The following ZNRF1 variants were observed in gnomAD, a reference collection of about 807,000 sequenced individuals.
ZNRF1 encodes zinc and ring finger 1, also known as E3 ubiquitin-protein ligase ZNRF1.
In ZNRF1, 3 loss-of-function variants were observed where a neutral mutation model predicts 18.4. The observed-to-expected ratio is 0.16, with a 90% CI of 0.07 to 0.42. ZNRF1 has a LOEUF of 0.42. ZNRF1 is among the 10% of genes least tolerant of loss of function. ZNRF1 has a pLI of 0.99. For synonymous variants in ZNRF1, 157 were observed against 144.2 expected (o/e 1.09, Z -0.64); for missense variants, 310 against 329.8 (o/e 0.94, Z 0.47).
intron 1 of ZNRF1, among the ~76,000 whole-genome samples, chr16:75,054,062 A>G (rs903934359): frequency 6.6e-6 from 1 of 152,190 alleles, no homozygotes; most frequent in Non-Finnish European, 1.5e-5. Flanking sequence ...TTCCTTGTTG[A>G]CAATTCCCTT....
At chr16:75,074,392 C>G (rs2035912781) in intron 1 of ZNRF1, among the ~76,000 whole-genome samples, 1 of 152,194 alleles carries the variant, frequency 6.6e-6, no homozygotes, top group Non-Finnish European at 1.5e-5. Context: ...GGGCACAGTG[C>G]TGCATAAGTT....
rs62061439 is a variant in ZNRF1, at chr16:75,000,161, C to A, written c.424+66C>A. 4.5e-6 allele frequency: 7 copies of A among 1,551,518 alleles called. No individual in the cohort carries two copies. In the South Asian group the frequency reaches 7.1e-5, roughly 16 times the overall value. On this transcript the variant is annotated intron_variant, in intron 1 of 4. Coordinates refer to ENST00000335325, the MANE Select transcript of ZNRF1 (RefSeq NM_032268.5). ...CCGGGGCGCCCCAAGCCTTCGCGTG[C>A]GTGCCAAGGTTTGGGAATGTAGTGC...
At chr16:75,009,697 T>C (rs550404980) in intron 1 of ZNRF1, among the ~76,000 whole-genome samples, 2 of 152,352 alleles carry the variant, frequency 1.3e-5, no homozygotes, top group South Asian at 4.1e-4. Context: ...TTTTTAATTT[T>C]TTGAGGAACC....
intron 1 of ZNRF1, among the ~76,000 whole-genome samples, chr16:75,036,156 G>T (rs1484558860): frequency 1.3e-5 from 2 of 152,036 alleles, no homozygotes; most frequent in African/African-American, 4.8e-5. Flanking sequence ...CAGCAGCCTT[G>T]ACCTCCTGGG....
At chr16:75,046,294 C>A (rs1390399723) in intron 1 of ZNRF1, among the ~76,000 whole-genome samples, 1 of 151,980 alleles carries the variant, frequency 6.6e-6, no homozygotes, top group African/African-American at 2.4e-5. Flanking sequence ...CTCTGTCACC[C>A]AGGCTGAAGT....
rs1256218201 is a variant in ZNRF1 at position 74,999,138 on chromosome 16, G to T, written c.-534G>T. On this transcript the variant is annotated 5_prime_UTR_variant, in exon 1 of 5. Transcript: ENST00000335325. ...GAGAGCGCGACGCGACGCGACCGCG[G>T]CTTCCCGAGCTGCGCCTGGCCGCCC... 1.4e-5 allele frequency: 2 copies of T among 147,254 alleles called. No homozygotes were observed. The highest frequency in any genetic ancestry group is 4.9e-5 in the African/African-American group (2 of 40,964). The allele number at this position is 147,254 out of a possible 1,614,324, so 9.1% of individuals were successfully genotyped here. A position where few individuals can be genotyped will look rare whatever the true frequency, so the allele number is the denominator to read the frequency against.
chr16:75,076,623 T>C (rs1357332149), intron 1 of ZNRF1, among the ~76,000 whole-genome samples: 1 of 147,256 alleles, frequency 6.8e-6, no homozygotes, highest in Non-Finnish European at 1.5e-5. Flanking sequence ...TGGCATCCTC[T>C]CTTGGGGCAC....
intron 1 of ZNRF1, among the ~76,000 whole-genome samples, chr16:75,050,457 C>T (rs1420687341): frequency 6.6e-6 from 1 of 151,914 alleles, no homozygotes; most frequent in East Asian, 1.9e-4. Context: ...GCCTGGGAGG[C>T]AGAGGTTGCA....
intron 1 of ZNRF1, among the ~76,000 whole-genome samples, chr16:75,031,391 A>G (rs1430608671): frequency 1.3e-5 from 2 of 152,182 alleles, no homozygotes; most frequent in African/African-American, 4.8e-5. Flanking sequence ...CAGCCTCCCA[A>G]AGTGCTGGGA....
At chr16:75,012,761 T>G (rs1352954208) in intron 1 of ZNRF1, among the ~76,000 whole-genome samples, 4 of 152,196 alleles carry the variant, frequency 2.6e-5, no homozygotes, top group African/African-American at 9.6e-5. Context: ...AACCACTATC[T>G]TACATAAGCT....
intron 1 of ZNRF1, among the ~76,000 whole-genome samples, chr16:75,043,662 G>GAC (rs1283873368): frequency 3.9e-5 from 6 of 152,050 alleles, no homozygotes; most frequent in Admixed American, 2.0e-4. Context: ...TGATAAAAGA[G>GAC]ACAGTATATG....
intron 1 of ZNRF1, among the ~76,000 whole-genome samples, chr16:75,016,923 C>T (rs2035080491): frequency 6.6e-6 from 1 of 152,086 alleles, no homozygotes; most frequent in Non-Finnish European, 1.5e-5. Flanking sequence ...CTGAATCTTT[C>T]TAAGGGACAA....
chr16:75,106,444 C>G, intron 3 of ZNRF1, 38 bp from the exon 4 acceptor site: 1 of 1,612,608 alleles, frequency 6.2e-7, no homozygotes, highest in Non-Finnish European at 8.5e-7. Flanking sequence ...GCCTGGGCAG[C>G]AGGTAACGTG....
At position 75,082,351 on chromosome 16, in the gene ZNRF1, C is replaced by A. The variant is rs2036022260; in HGVS notation, c.425-11221C>A. Among the ~76,000 whole-genome samples the A allele has an allele frequency of 2.0e-5, 3 of 152,126 alleles. No homozygotes were observed. In the South Asian group the frequency reaches 6.2e-4, roughly 31 times the overall value. ...CCAATGAATGGCCATAGCTCCTGTT[C>A]CTGGTAGATGCTTTCCCCATTCTTC... is the stretch of plus-strand genomic sequence containing the variant. On this transcript the variant is annotated intron_variant, in intron 1 of 4. Coordinates refer to ENST00000335325, the MANE Select transcript of ZNRF1 (RefSeq NM_032268.5).
intron 1 of ZNRF1, among the ~76,000 whole-genome samples, chr16:75,071,808 C>T (rs975025123): frequency 6.6e-6 from 1 of 152,106 alleles, no homozygotes; most frequent in Non-Finnish European, 1.5e-5. Flanking sequence ...ATTATTCTTC[C>T]AGTTCTTTGA....
intron 1 of ZNRF1, among the ~76,000 whole-genome samples, chr16:75,018,869 T>C (rs2035105990): frequency 6.6e-6 from 1 of 152,132 alleles, no homozygotes; most frequent in Admixed American, 6.6e-5. Flanking sequence ...TTTCTTCTCT[T>C]ACTAAGATTA....
intron 1 of ZNRF1, among the ~76,000 whole-genome samples, chr16:75,047,741 A>G (rs574533919): frequency 7.9e-5 from 12 of 152,134 alleles, no homozygotes; most frequent in African/African-American, 2.4e-4. Context: ...TTTGCCTACC[A>G]TGTTACTTTG....
intron 1 of ZNRF1, among the ~76,000 whole-genome samples, chr16:75,050,822 G>T (rs1489676202): frequency 8.3e-6 from 1 of 120,170 alleles, no homozygotes; most frequent in East Asian, 2.9e-4. Context: ...AGTGAGCCAA[G>T]ATTGCGCCAC....
chr16:75,071,578 C>T (rs2035871293), intron 1 of ZNRF1, among the ~76,000 whole-genome samples: 1 of 152,130 alleles, frequency 6.6e-6, no homozygotes, highest in Non-Finnish European at 1.5e-5. Flanking sequence ...GTGACTTAGC[C>T]TTACAAGTCA....
Sources: gnomAD v4.1 joint callset for allele counts (sites outside exome capture counted in the v4.1 genomes callset) on GRCh38, gnomAD v4.1.1 for gene constraint, MANE v1.5 for transcripts, NCBI Gene and HGNC (gene_info 2026-07-23, HGNC 2026-07-21) for gene names.